The following PAFAH1B1 variants were observed in gnomAD, a reference collection of about 807,000 sequenced individuals.
PAFAH1B1 encodes platelet-activating factor acetylhydrolase IB subunit beta.
A neutral mutation model predicts 57.5 loss-of-function variants in PAFAH1B1; 2 were observed. The ratio of observed to expected loss-of-function variants is 0.03; its 90% CI spans 0.01 to 0.11. PAFAH1B1 has a LOEUF of 0.11. PAFAH1B1 is among the 10% of genes least tolerant of loss of function. The probability of loss-of-function intolerance (pLI) is 1.00; values close to 1 mark genes in which losing one functional copy is unlikely to be tolerated. For missense variants in PAFAH1B1, 257 were observed against 512.0 expected (o/e 0.50, Z 4.81); for synonymous variants, 152 against 169.6 (o/e 0.90, Z 0.81).
chr17:2,593,617 C>CGGCGGT, upstream of PAFAH1B1: 1 of 223,114 alleles, frequency 4.5e-6, no homozygotes, highest in South Asian at 8.3e-5. Context: ...GCGGCGGCGG[C>CGGCGGT]GCGGTGACGT....
rs1023148585 is a variant in PAFAH1B1, at chr17:2,638,157, A to T, written c.-132A>T. 7 of 657,688 alleles carry T rather than the reference A, an allele frequency of 1.1e-5. No individual in the cohort carries two copies. Among genetic ancestry groups the T allele is most frequent in the Non-Finnish European group, 1.9e-5 (7 of 368,784 alleles). The allele number at this position is 657,688 out of a possible 1,614,324, so 40.7% of individuals were successfully genotyped here. ...GTTACTAGTTGGATTCATTTGTGAA[A>T]GAATCATTTTCCCCTGTGTGGAAGA... is the stretch of plus-strand genomic sequence containing the variant. On this transcript the variant is annotated 5_prime_UTR_variant, in exon 2 of 11. In the 5' UTR this introduces an upstream ATG that the reference lacks. Transcript: ENST00000397195.
intron 10 of PAFAH1B1, 72 bp from the exon 11 acceptor site, chr17:2,681,657 G>A: frequency 8.6e-7 from 1 of 1,160,060 alleles, no homozygotes; most frequent in Non-Finnish European, 1.3e-6. Context: ...ATTTTGTAGA[G>A]AGGGGGTCTC....
rs1463367643 is a variant in PAFAH1B1 at position 2,682,412 on chromosome 17, A to G, written c.*610A>G. ...TATTTGTTTTGGCAGCCTATCACGCAGAGGCTAGTGGTATATTTATGTAAG... is the reference window on the plus strand; with the variant it reads ...TATTTGTTTTGGCAGCCTATCACGCGGAGGCTAGTGGTATATTTATGTAAG... On this transcript the variant is annotated 3_prime_UTR_variant, in exon 11 of 11. Transcript: ENST00000397195. 6.5e-6 allele frequency: 1 copy of G among 152,682 alleles called. No individual in the cohort carries two copies. Among genetic ancestry groups the G allele is most frequent in the East Asian group, 1.9e-4 (1 of 5,204 alleles). The allele number at this position is 152,682 out of a possible 1,614,324, so 9.5% of individuals were successfully genotyped here.
intron 1 of PAFAH1B1, among the ~76,000 whole-genome samples, chr17:2,617,471 T>C (rs1485275123): frequency 6.6e-6 from 1 of 152,208 alleles, no homozygotes; most frequent in East Asian, 1.9e-4. Flanking sequence ...CAGTGAACCA[T>C]ACCTGAGCAC....
At chr17:2,660,397 C>T (rs1221135646) in intron 2 of PAFAH1B1, among the ~76,000 whole-genome samples, 1 of 152,148 alleles carries the variant, frequency 6.6e-6, no homozygotes, top group Non-Finnish European at 1.5e-5. Flanking sequence ...CTCTCCCTCC[C>T]CTCAACCCCC....
In PAFAH1B1 at chr17:2,663,139, G is replaced by A. The variant is rs192894183; in HGVS notation, c.33-2233G>A. On this transcript the variant is annotated intron_variant, in intron 2 of 10. Transcript: ENST00000397195. ...TAAATAAAGAAAGAAAGAGCCAAGC[G>A]TGGTGGCGGGCACCTGTAGTCCCAG... Among the ~76,000 whole-genome samples the A allele has an allele frequency of 9.2e-4, 140 of 152,014 alleles. 2 individuals carry two copies. The highest frequency in any genetic ancestry group is 3.1e-3 in the African/African-American group (130 of 41,488).
chr17:2,682,024 T>G lies in PAFAH1B1; in HGVS notation c.*222T>G, dbSNP rs1240924568. 24 of 495,848 alleles carry G rather than the reference T, an allele frequency of 4.8e-5. No homozygotes were observed. The South Asian group carries it at 6.9e-4, about 14-fold the overall frequency. The allele number at this position is 495,848 out of a possible 1,614,324, so 30.7% of individuals were successfully genotyped here. A position where few individuals can be genotyped will look rare whatever the true frequency, so the allele number is the denominator to read the frequency against. On this transcript the variant is annotated 3_prime_UTR_variant, in exon 11 of 11. Coordinates refer to ENST00000397195, the MANE Select transcript of PAFAH1B1 (RefSeq NM_000430.4). ...ACGTTGTCTAGAAGTACCATAGGGT[T>G]TAAAAACCTGGGCTGGCATTGGTCA...
At chr17:2,669,859 T>C (rs2069157274) in intron 5 of PAFAH1B1, among the ~76,000 whole-genome samples, 1 of 152,142 alleles carries the variant, frequency 6.6e-6, no homozygotes. Flanking sequence ...TCATTCCTGC[T>C]CTGAGACAGG....
chr17:2,649,234 T>C (rs940295510), intron 2 of PAFAH1B1, among the ~76,000 whole-genome samples: 3 of 138,132 alleles, frequency 2.2e-5, no homozygotes, highest in African/African-American at 8.1e-5. Flanking sequence ...AAAAAAAAAT[T>C]AATGGGTTTA....
At position 2,680,312 on chromosome 17, in the gene PAFAH1B1, C is replaced by G. The variant is rs763573429; in HGVS notation, c.1151C>G (p.Thr384Ser). 6 of 1,613,854 alleles carry G rather than the reference C, an allele frequency of 3.7e-6. No individual in the cohort carries two copies. The highest frequency in any genetic ancestry group is 5.1e-6 in the Non-Finnish European group (6 of 1,179,904). The change falls in exon 10 of 11, where the codon ACC becomes AGC. Residue 384 changes from threonine to serine, a missense_variant. Physicochemically the swap from Thr to Ser is moderately conservative, Grantham distance 58. Coordinates refer to ENST00000397195, the MANE Select transcript of PAFAH1B1 (RefSeq NM_000430.4). ...KTLNAHEHFV[T>S]SLDFHKTAPY... ...CTCAATGCGCATGAACACTTTGTTA[C>G]CTCCTTGGGTATGTACGCCTCGCGA...
At position 2,608,276 on chromosome 17, in the gene PAFAH1B1, G is replaced by T. The variant is rs1164663627; in HGVS notation, c.-191+14270G>T. ...ATTTTTGTATTTTTAGTAGAGATGG[G>T]GGTTGCACTATGTTGGCCAGGCTGG... On this transcript the variant is annotated intron_variant, in intron 1 of 10. Coordinates refer to ENST00000397195, the MANE Select transcript of PAFAH1B1 (RefSeq NM_000430.4). 3.3e-5 allele frequency among the ~76,000 whole-genome samples: 5 copies of T among 151,952 alleles called. No individual in the cohort carries two copies. The South Asian group carries it at 1.0e-3, about 32-fold the overall frequency.
At chr17:2,677,781 G>A (rs1196806942) in intron 9 of PAFAH1B1, among the ~76,000 whole-genome samples, 1 of 151,990 alleles carries the variant, frequency 6.6e-6, no homozygotes, top group Non-Finnish European at 1.5e-5. Context: ...GTGAACCCGG[G>A]AGGCGGAGCT....
At chr17:2,622,492 A>C (rs903412520) in intron 1 of PAFAH1B1, among the ~76,000 whole-genome samples, 1 of 152,152 alleles carries the variant, frequency 6.6e-6, no homozygotes, top group African/African-American at 2.4e-5. Flanking sequence ...TAAAGCTCCA[A>C]AATAATCTCC....
chr17:2,679,820 C>T (rs1462802098), intron 9 of PAFAH1B1: 3 of 285,650 alleles, frequency 1.1e-5, no homozygotes, highest in Non-Finnish European at 2.0e-5. Context: ...TTAGCATGAA[C>T]CACCTAAGAA....
At chr17:2,627,619 C>T (rs897240693) in intron 1 of PAFAH1B1, among the ~76,000 whole-genome samples, 5 of 152,028 alleles carry the variant, frequency 3.3e-5, no homozygotes, top group Non-Finnish European at 7.4e-5. Flanking sequence ...TTTTGTAATT[C>T]TATGAAGAAT....
intron 2 of PAFAH1B1, chr17:2,640,270 G>A (rs1321788505): frequency 1.3e-5 from 2 of 151,608 alleles, no homozygotes; most frequent in Non-Finnish European, 2.9e-5. Context: ...GTCCTTTGTG[G>A]CACTTTGTTA....
chr17:2,670,045 T>C, intron 5 of PAFAH1B1, 118 bp from the exon 6 acceptor site: 1 of 838,040 alleles, frequency 1.2e-6, no homozygotes, highest in Non-Finnish European at 2.1e-6. Flanking sequence ...ATAGTTATCC[T>C]TTGTTACTTG....
intron 2 of PAFAH1B1, among the ~76,000 whole-genome samples, chr17:2,654,068 A>G (rs2068903878): frequency 6.6e-6 from 1 of 152,102 alleles, no homozygotes. Context: ...CGGCCTCCAA[A>G]AGTGCTGGGA....
chr17:2,636,731 A>AT lies in PAFAH1B1; in HGVS notation c.-190-1359dup, dbSNP rs1214834463. On this transcript the variant is annotated intron_variant, in intron 1 of 10. Transcript: ENST00000397195. ...TCATATTTGAAACCCGAAGGTATGC[A>AT]TTTTTTTTTCCTTTAAAAGAAATTG... Among the ~76,000 whole-genome samples, 28 of 150,930 alleles carry AT rather than the reference A, an allele frequency of 1.9e-4. No homozygotes were observed. In the South Asian group the frequency reaches 4.2e-3, roughly 23 times the overall value.
Sources: gnomAD v4.1 joint callset for allele counts (sites outside exome capture counted in the v4.1 genomes callset) on GRCh38, gnomAD v4.1.1 for gene constraint, MANE v1.5 for transcripts, NCBI Gene and HGNC (gene_info 2026-07-23, HGNC 2026-07-21) for gene names.